The following ABCG8 variants were observed in gnomAD, a reference collection of about 807,000 sequenced individuals.
The protein encoded by ABCG8 is ATP binding cassette subfamily G member 8.
Under a neutral mutation model 71.3 loss-of-function variants are expected in ABCG8, and 81 were observed. The observed-to-expected ratio is 1.14, with a 90% CI of 0.95 to 1.37. ABCG8 has a LOEUF of 1.37. ABCG8 is among the 40% of genes most tolerant of loss of function. The pLI is 0.00. For missense variants in ABCG8, 1,119 were observed against 866.2 expected (o/e 1.29, Z -3.66); for synonymous variants, 451 against 354.7 (o/e 1.27, Z -3.05).
intron 3 of ABCG8, among the ~76,000 whole-genome samples, chr2:43,849,974 C>T (rs571175277): frequency 2.2e-4 from 34 of 151,918 alleles, no homozygotes; most frequent in African/African-American, 6.0e-4. Flanking sequence ...CCGAGGCAGG[C>T]GGATCACCTG....
chr2:43,841,284 C>CA (rs1558790767), intron 1 of ABCG8, among the ~76,000 whole-genome samples: 1 of 152,098 alleles, frequency 6.6e-6, no homozygotes, highest in African/African-American at 2.4e-5. Context: ...GAAGTTAATA[C>CA]GAGGAGAAAT....
At chr2:43,866,532 G>A (rs1355905610) in intron 6 of ABCG8, among the ~76,000 whole-genome samples, 39 of 151,918 alleles carry the variant, frequency 2.6e-4, no homozygotes, top group Non-Finnish European at 5.0e-4. Flanking sequence ...AAAAGTGGGC[G>A]AAGGACATGA....
intron 6 of ABCG8, among the ~76,000 whole-genome samples, chr2:43,859,447 A>G (rs1669227027): frequency 6.6e-6 from 1 of 151,460 alleles, no homozygotes; most frequent in Non-Finnish European, 1.5e-5. Context: ...ATCTATCTGG[A>G]TAGAGCTCTT....
intron 6 of ABCG8, among the ~76,000 whole-genome samples, chr2:43,862,369 T>C (rs1484083748): frequency 6.6e-6 from 1 of 151,346 alleles, no homozygotes; most frequent in East Asian, 1.9e-4. Flanking sequence ...TGTATCTGGA[T>C]AGAATTTTCA....
intron 6 of ABCG8, among the ~76,000 whole-genome samples, chr2:43,871,124 C>G (rs1247835035): frequency 8.9e-3 from 1,266 of 142,634 alleles, no homozygotes; most frequent in Middle Eastern, 0.019. Flanking sequence ...CTCTCACTAT[C>G]TGGATAGAAT....
intron 6 of ABCG8, among the ~76,000 whole-genome samples, chr2:43,871,212 A>C (rs565048697): frequency 8.6e-5 from 13 of 151,342 alleles, no homozygotes; most frequent in African/African-American, 3.1e-4. Flanking sequence ...CACTATCTGG[A>C]TAGAATTCTC....
chr2:43,860,880 C>G (rs1572847074), intron 6 of ABCG8, among the ~76,000 whole-genome samples: 1 of 151,064 alleles, frequency 6.6e-6, no homozygotes, highest in East Asian at 1.9e-4. Flanking sequence ...AATTCTCACT[C>G]TCTGCATAGA....
At chr2:43,869,630 G>A (rs1317428887) in intron 6 of ABCG8, among the ~76,000 whole-genome samples, 7 of 151,330 alleles carry the variant, frequency 4.6e-5, no homozygotes, top group Admixed American at 3.3e-4. Context: ...TATCTTTTTG[G>A]TTAGAACTGT....
intron 3 of ABCG8, among the ~76,000 whole-genome samples, chr2:43,849,021 TAAAAAAA>T (rs1193216137): frequency 0.11 from 6,149 of 54,654 alleles, 181 homozygotes; most frequent in Middle Eastern, 0.28. Flanking sequence ...AAACACTGTC[TAAAAAAA>T]AAAAAAAAAA....
Position 43,873,866 on chromosome 2 carries a change from A to G in ABCG8, c.1291A>G (p.Ile431Val), listed in dbSNP as rs1669864366. 14 of 1,613,960 alleles carry G rather than the reference A, an allele frequency of 8.7e-6. No homozygotes were observed. The highest frequency in any genetic ancestry group is 1.2e-5 in the Non-Finnish European group (14 of 1,179,986). Reference sequence around the variant, plus strand: ...GGAGGCCTGTCTGATGTCAATGACCATCGGCTTCCTCTATTTTGGCCATGG... The same window carrying G: ...GGAGGCCTGTCTGATGTCAATGACCGTCGGCTTCCTCTATTTTGGCCATGG... ...GAEACLMSMTIGFLYFGHGSI... is the reference protein window; with the variant it reads ...GAEACLMSMTVGFLYFGHGSI... Residue 431 changes from isoleucine to valine, a missense_variant, in exon 9 of 13, where the codon ATC (isoleucine) becomes GTC (valine). Coordinates refer to ENST00000272286, the MANE Select transcript of ABCG8 (RefSeq NM_022437.3).
At chr2:43,867,884 TCA>T (rs1558841623) in intron 6 of ABCG8, among the ~76,000 whole-genome samples, 1 of 152,004 alleles carries the variant, frequency 6.6e-6, no homozygotes, top group East Asian at 1.9e-4. Context: ...GATAGAACTC[TCA>T]CTATCTCTCT....
In ABCG8 at chr2:43,872,225, G is replaced by T. The variant is rs745663864; in HGVS notation, c.1130G>T (p.Ser377Ile). The change falls in exon 8 of 13, where the codon AGC (serine) becomes ATC (isoleucine). Residue 377 changes from serine (S) to isoleucine (I), a missense_variant and splice_region_variant. Coordinates refer to ENST00000272286, the MANE Select transcript of ABCG8 (RefSeq NM_022437.3). ...TGGCCACATCTTCTGCCTCCCAGCA[G>T]CGTGACCCCACTAGACACCAACTGC... ...DLDEDTCVESSVTPLDTNCLP... is the reference protein window; with the variant it reads ...DLDEDTCVESIVTPLDTNCLP... The T allele has an allele frequency of 1.2e-6, 2 of 1,614,012 alleles. No homozygotes were observed. Among genetic ancestry groups the T allele is most frequent in the Non-Finnish European group, 1.7e-6 (2 of 1,180,010 alleles).
chr2:43,863,231 A>G (rs1669394562), intron 6 of ABCG8, among the ~76,000 whole-genome samples: 2 of 150,990 alleles, frequency 1.3e-5, no homozygotes, highest in African/African-American at 2.4e-5. Context: ...AGCACTCACT[A>G]TCTGGATAGA....
At chr2:43,860,041 A>G (rs1397613639) in intron 6 of ABCG8, among the ~76,000 whole-genome samples, 1 of 151,264 alleles carries the variant, frequency 6.6e-6, no homozygotes, top group Non-Finnish European at 1.5e-5. Context: ...CATCCTCTGG[A>G]TAGAACTCTC....
At position 43,880,603 on chromosome 2, in the gene ABCG8, G is replaced by T. The variant is rs2954804; in HGVS notation, c.*2690G>T. ...TTGGTGATAAGTATGCTCTTTGCTT[G>T]TGGAACATCTCTGCTCCCAGGCTCT... is the stretch of plus-strand genomic sequence containing the variant. On this transcript the variant is annotated 3_prime_UTR_variant, in exon 13 of 13. Coordinates refer to ENST00000272286, the MANE Select transcript of ABCG8 (RefSeq NM_022437.3). The T allele has an allele frequency of 0.35, 52,764 of 152,038 alleles. 10,525 individuals carry two copies. The highest frequency in any genetic ancestry group is 0.55 in the African/African-American group (22,856 of 41,452). The allele number at this position is 152,038 out of a possible 1,614,324, so 9.4% of individuals were successfully genotyped here.
chr2:43,852,269 C>T (rs531592014), intron 4 of ABCG8, 85 bp from the exon 5 acceptor site: 38 of 1,588,588 alleles, frequency 2.4e-5, no homozygotes, highest in Middle Eastern at 2.3e-4. Flanking sequence ...GCCGGAGGAG[C>T]GGGCGCCTTT....
Position 43,852,367 on chromosome 2 carries a change from T to C in ABCG8, c.575T>C (p.Ile192Thr). 6.2e-7 allele frequency: 1 copy of C among 1,612,188 alleles called. No individual in the cohort carries two copies. Among genetic ancestry groups the C allele is most frequent in the Non-Finnish European group, 8.5e-7 (1 of 1,180,006 alleles). ...AQRDKRVEDV[I>T]AELRLRQCAD... is the part of the protein sequence containing the mutation. ...TCTGGCCCACAGGTGGAGGACGTGA[T>C]CGCGGAGCTGCGGCTTAGGCAGTGC... Residue 192 changes from isoleucine (I) to threonine (T), a missense_variant, in exon 5 of 13, where the codon ATC (isoleucine) becomes ACC (threonine). Coordinates refer to ENST00000272286, the MANE Select transcript of ABCG8 (RefSeq NM_022437.3).
At chr2:43,861,899 G>A (rs1312864479) in intron 6 of ABCG8, among the ~76,000 whole-genome samples, 1 of 151,080 alleles carries the variant, frequency 6.6e-6, no homozygotes, top group East Asian at 1.9e-4. Context: ...TATCTATCTG[G>A]ATAGAATTAT....
intron 11 of ABCG8, among the ~76,000 whole-genome samples, chr2:43,876,271 G>A (rs1572869518): frequency 6.6e-6 from 1 of 152,168 alleles, no homozygotes; most frequent in Admixed American, 6.5e-5. Flanking sequence ...CAACCCCTCT[G>A]CCCTTTTGCC....
Sources: allele counts gnomAD v4.1 joint callset (sites outside exome capture counted in the v4.1 genomes callset), GRCh38; gene constraint gnomAD v4.1.1; transcripts MANE v1.5; gene names NCBI Gene and HGNC (gene_info 2026-07-23, HGNC 2026-07-21).